Variants in BCKDHB observed in about 807,000 individuals in gnomAD.
BCKDHB encodes 2-oxoisovalerate dehydrogenase subunit beta, mitochondrial.
Under a neutral mutation model 48.5 loss-of-function variants are expected in BCKDHB, and 41 were observed. That is an observed-to-expected ratio of 0.85 (90% CI 0.66 to 1.10). The LOEUF is 1.10. BCKDHB is among the 50% of genes least tolerant of loss of function. The pLI is 0.00. For missense variants in BCKDHB, 496 were observed against 494.2 expected, an observed-to-expected ratio of 1.00 and a Z score of -0.03; for synonymous variants, 201 against 174.8, an observed-to-expected ratio of 1.15 and a Z score of -1.18.
intron 1 of BCKDHB, among the ~76,000 whole-genome samples, chr6:80,123,872 G>C (rs28847358): frequency 6.6e-6 from 1 of 151,908 alleles, no homozygotes; most frequent in Non-Finnish European, 1.5e-5. Flanking sequence ...TTTTTGAACG[G>C]TTTTTTTGTC....
rs2127773357 is a variant in BCKDHB, at chr6:80,167,701, C to G, written c.367C>G (p.Pro123Ala). The G allele has an allele frequency of 6.2e-7, 1 of 1,610,698 alleles. No homozygotes were observed. The highest frequency in any genetic ancestry group is 1.1e-5 in the South Asian group (1 of 90,946). The change falls in exon 4 of 10, where the codon CCA becomes GCA. Residue 123 changes from proline (P) to alanine (A), a missense_variant. Pro to Ala is a conservative substitution (Grantham distance 27). Coordinates refer to ENST00000320393, the MANE Select transcript of BCKDHB (RefSeq NM_183050.4). ...KYGKDRVFNTPLCEQGIVGFG... is the reference protein window; with the variant it reads ...KYGKDRVFNTALCEQGIVGFG... Reference sequence around the variant, plus strand: ...AGGAAAAGATAGAGTTTTTAATACCCCATTGTGTGAACAAGGAATTGTTGG... The same window carrying G: ...AGGAAAAGATAGAGTTTTTAATACCGCATTGTGTGAACAAGGAATTGTTGG...
intron 3 of BCKDHB, among the ~76,000 whole-genome samples, chr6:80,164,964 C>CTT (rs1772500136): frequency 6.6e-6 from 1 of 152,180 alleles, no homozygotes; most frequent in African/African-American, 2.4e-5. Context: ...TGTTGAAGCA[C>CTT]TTTTTGCTAC....
the BCKDHB span, among the ~76,000 whole-genome samples, chr6:80,411,076 T>G: frequency 6.6e-6 from 1 of 152,200 alleles, no homozygotes. Context: ...TTCCCATCTT[T>G]GTGGTTTTAT....
the BCKDHB span, among the ~76,000 whole-genome samples, chr6:80,430,182 T>C: frequency 2.0e-5 from 3 of 152,246 alleles, no homozygotes; most frequent in Non-Finnish European, 4.4e-5. Context: ...GATTTGCATA[T>C]GTTGAACCAG....
chr6:80,141,219 G>A (rs149478622), intron 3 of BCKDHB, among the ~76,000 whole-genome samples: 136 of 151,508 alleles, frequency 9.0e-4, no homozygotes, highest in Middle Eastern at 3.4e-3. Context: ...TCTTGCTAGC[G>A]GTCTATCAAT....
intron 3 of BCKDHB, chr6:80,135,799 A>G (rs1471444379): frequency 6.6e-6 from 1 of 152,166 alleles, no homozygotes; most frequent in Non-Finnish European, 1.5e-5. Flanking sequence ...ACAAAACTGA[A>G]ACACTATAAC....
intron 9 of BCKDHB, among the ~76,000 whole-genome samples, chr6:80,340,377 A>G (rs897044793): frequency 5.9e-5 from 9 of 152,182 alleles, no homozygotes; most frequent in African/African-American, 1.7e-4. Flanking sequence ...CTCTGGTTAC[A>G]TGTTACACTA....
intron 9 of BCKDHB, among the ~76,000 whole-genome samples, chr6:80,273,935 A>T (rs957337592): frequency 1.3e-5 from 2 of 152,070 alleles, no homozygotes; most frequent in Non-Finnish European, 2.9e-5. Context: ...ATTGAAAATT[A>T]AGTAGCCATA....
intron 9 of BCKDHB, among the ~76,000 whole-genome samples, chr6:80,316,092 T>C (rs554826547): frequency 6.6e-6 from 1 of 152,338 alleles, no homozygotes; most frequent in South Asian, 2.1e-4. Flanking sequence ...TTCATTCCTA[T>C]GCTGTGATTT....
intron 3 of BCKDHB, among the ~76,000 whole-genome samples, chr6:80,150,056 C>T (rs1157842943): frequency 6.6e-6 from 1 of 151,896 alleles, no homozygotes; most frequent in African/African-American, 2.4e-5. Context: ...AGTTTTTTCC[C>T]CCATATTCTT....
intron 9 of BCKDHB, among the ~76,000 whole-genome samples, chr6:80,322,896 CTTTTTTTT>C (rs34177726): frequency 7.8e-5 from 9 of 115,568 alleles, no homozygotes; most frequent in East Asian, 2.5e-4. Flanking sequence ...TTTCTTTTTT[CTTTTTTTT>C]TTTTTTTTTG....
At chr6:80,204,489 A>G (rs1403481688) in intron 8 of BCKDHB, among the ~76,000 whole-genome samples, 1 of 152,120 alleles carries the variant, frequency 6.6e-6, no homozygotes, top group African/African-American at 2.4e-5. Flanking sequence ...TCCAAATTAT[A>G]GTTAAACTAG....
intron 6 of BCKDHB, among the ~76,000 whole-genome samples, chr6:80,188,921 A>G (rs889300335): frequency 1.3e-5 from 2 of 152,182 alleles, no homozygotes; most frequent in South Asian, 4.1e-4. Flanking sequence ...CTGTGGTCAT[A>G]TGAGGGCCAC....
chr6:80,252,634 A>T (rs969800568), intron 8 of BCKDHB, among the ~76,000 whole-genome samples: 1 of 152,208 alleles, frequency 6.6e-6, no homozygotes, highest in African/African-American at 2.4e-5. Flanking sequence ...TATGGCCACC[A>T]TCTAAGATGG....
At chr6:80,404,118 T>G in the BCKDHB span, among the ~76,000 whole-genome samples, 1 of 151,732 alleles carries the variant, frequency 6.6e-6, no homozygotes, top group East Asian at 1.9e-4. Flanking sequence ...TCTTCTCACT[T>G]CTAATTTTTT....
chr6:80,246,014 T>A (rs1396967205), intron 8 of BCKDHB, among the ~76,000 whole-genome samples: 1 of 152,132 alleles, frequency 6.6e-6, no homozygotes, highest in East Asian at 1.9e-4. Flanking sequence ...AGGGGGAGGT[T>A]GCAGTAATCT....
intron 9 of BCKDHB, among the ~76,000 whole-genome samples, chr6:80,275,921 T>A (rs1777952300): frequency 6.6e-6 from 1 of 151,970 alleles, no homozygotes; most frequent in Non-Finnish European, 1.5e-5. Context: ...GCATGATTCA[T>A]ATTTCTCTAT....
At chr6:80,195,043 A>G (rs1020048281) in intron 6 of BCKDHB, among the ~76,000 whole-genome samples, 24 of 152,320 alleles carry the variant, frequency 1.6e-4, no homozygotes, top group African/African-American at 4.3e-4. Flanking sequence ...CATGCTCTCA[A>G]TAATCACTGT....
chr6:80,130,144 A>C (rs1028062364), intron 3 of BCKDHB, among the ~76,000 whole-genome samples: 1 of 152,166 alleles, frequency 6.6e-6, no homozygotes, highest in Non-Finnish European at 1.5e-5. Context: ...CTTGCAGTGT[A>C]AGGAATGTGT....
Sources: gnomAD v4.1 joint callset for allele counts (sites outside exome capture counted in the v4.1 genomes callset) on GRCh38, gnomAD v4.1.1 for gene constraint, MANE v1.5 for transcripts, NCBI Gene and HGNC (gene_info 2026-07-23, HGNC 2026-07-21) for gene names.